USP25: variants seen among roughly 807,000 people sequenced by gnomAD.
USP25 encodes the protein ubiquitin carboxyl-terminal hydrolase 25.
USP25 carries 85 observed loss-of-function variants against 158.5 expected under a neutral mutation model. The ratio of observed to expected loss-of-function variants is 0.54; its 90% CI spans 0.45 to 0.64. The LOEUF (loss-of-function observed/expected upper bound fraction) is 0.64, where lower values mean the gene tolerates loss of function less well. Ranked by LOEUF, USP25 falls within the 30% of genes least tolerant of loss-of-function variation. USP25 has a pLI of 0.00. For missense variants in USP25, 1,242 were observed against 1,327.3 expected, an observed-to-expected ratio of 0.94 and a Z score of 1.00; for synonymous variants, 464 against 460.4, an observed-to-expected ratio of 1.01 and a Z score of -0.10.
intron 8 of USP25, among the ~76,000 whole-genome samples, chr21:15,809,670 A>G (rs1250332687): frequency 2.0e-5 from 3 of 152,202 alleles, no homozygotes; most frequent in Non-Finnish European, 2.9e-5. Flanking sequence ...AAAGAATTGA[A>G]AGCAGGGTTT....
intron 4 of USP25, among the ~76,000 whole-genome samples, chr21:15,791,233 T>G (rs531686262): frequency 1.3e-5 from 2 of 151,982 alleles, no homozygotes; most frequent in African/African-American, 2.4e-5. Flanking sequence ...AATATCTAAT[T>G]TGTTGAAATG....
intron 1 of USP25, among the ~76,000 whole-genome samples, chr21:15,738,418 T>C (rs977593237): frequency 1.3e-5 from 2 of 152,246 alleles, no homozygotes; most frequent in African/African-American, 4.8e-5. Context: ...GAGCAGGATA[T>C]ACTATTTTTA....
intron 8 of USP25, among the ~76,000 whole-genome samples, chr21:15,809,671 A>G (rs1447048161): frequency 6.6e-6 from 1 of 152,252 alleles, no homozygotes; most frequent in African/African-American, 2.4e-5. Context: ...AAGAATTGAA[A>G]GCAGGGTTTC....
rs1568884805 is a variant in USP25 at position 15,847,676 on chromosome 21, C to T, written c.2351C>T (p.Thr784Ile). ...TTCCTTCTGCAGAAACCTGAAAATA[C>T]TACAAGCCAACCACTTTCTAATCAG... ...ETVLQSKPEN[T>I]TSQPLSNQRV... Residue 784 changes from threonine (T) to isoleucine (I), a missense_variant, in exon 19 of 26, where the codon ACT becomes ATT. Transcript: ENST00000400183. 1.9e-6 allele frequency: 3 copies of T among 1,549,656 alleles called. No homozygotes were observed. Among genetic ancestry groups the T allele is most frequent in the Non-Finnish European group, 2.6e-6 (3 of 1,146,322 alleles).
rs1173174116 is a variant in USP25 at position 15,830,532 on chromosome 21, T to C, written c.1695T>C (p.Asp565=). 1 of 1,604,622 alleles carries C rather than the reference T, an allele frequency of 6.2e-7. No homozygotes were observed. Among genetic ancestry groups the C allele is most frequent in the Non-Finnish European group, 8.5e-7 (1 of 1,175,782 alleles). The change falls in exon 15 of 26, where the codon GAT becomes GAC. Residue 565 remains aspartate (D), a splice_region_variant and synonymous_variant. Coordinates refer to ENST00000400183, the MANE Select transcript of USP25 (RefSeq NM_001283041.3). ...TTAAATGACACCTTATATCCTTAGA[T>C]TTGCAGGAAAGCATATCCAGAATCC... ...WRTEIENDTR[D]LQESISRIHR... is the part of the protein sequence containing the mutation.
At position 15,766,850 on chromosome 21, in the gene USP25, A is replaced by G. The variant is rs953663580; in HGVS notation, c.268+709A>G. On this transcript the variant is annotated intron_variant, in intron 3 of 25. Coordinates refer to ENST00000400183, the MANE Select transcript of USP25 (RefSeq NM_001283041.3). The surrounding 1 kb of genome is among the most constrained non-coding windows in gnomAD (Gnocchi z 4.0). Reference sequence around the variant, plus strand: ...ATGCCTTATGGATTTGCAAAGTTTGATTATTAACATATATTTGGAGAGAAT... The same window carrying G: ...ATGCCTTATGGATTTGCAAAGTTTGGTTATTAACATATATTTGGAGAGAAT... 6.6e-6 allele frequency among the ~76,000 whole-genome samples: 1 copy of G among 152,096 alleles called. No homozygotes were observed. Among genetic ancestry groups the G allele is most frequent in the South Asian group, 2.1e-4 (1 of 4,836 alleles).
Position 15,847,740 on chromosome 21 carries a change from T to A in USP25, c.2415T>A (p.Phe805Leu), listed in dbSNP as rs1221181677. Residue 805 changes from phenylalanine to leucine, a missense_variant, in exon 19 of 26, where the codon TTT (phenylalanine) becomes TTA (leucine). This residue lies in a region of USP25 where 608 missense variants were observed against 605.2 expected (regional missense o/e 1.00). Transcript: ENST00000400183. The stretch of plus-strand genomic sequence containing the variant: ...TGGCGATCCCTCATGTAGGGAAATT[T>A]ATGATTGAATCAAAGGAGGGGGGGT... Reference protein sequence around the residue: ...VEVAIPHVGKFMIESKEGGYD... With the variant: ...VEVAIPHVGKLMIESKEGGYD... 1 of 1,550,048 alleles carries A rather than the reference T, an allele frequency of 6.5e-7. No homozygotes were observed. The highest frequency in any genetic ancestry group is 8.7e-7 in the Non-Finnish European group (1 of 1,146,594).
intron 4 of USP25, among the ~76,000 whole-genome samples, chr21:15,779,923 A>G (rs534010411): frequency 1.2e-3 from 187 of 152,232 alleles, no homozygotes; most frequent in African/African-American, 4.4e-3. Flanking sequence ...AATGCAAAAT[A>G]TGCATTTAAT....
At chr21:15,817,956 T>C (rs776513768) in intron 9 of USP25, among the ~76,000 whole-genome samples, 3 of 152,202 alleles carry the variant, frequency 2.0e-5, no homozygotes, top group Non-Finnish European at 4.4e-5. Flanking sequence ...CAAGACCTTG[T>C]AGATTTTAAC....
chr21:15,831,707 T>G, intron 16 of USP25, 78 bp downstream of exon 16: 1 of 1,166,684 alleles, frequency 8.6e-7, no homozygotes, highest in South Asian at 1.3e-5. Flanking sequence ...TAGTTAAGTG[T>G]AATTCACTCA....
Position 15,826,419 on chromosome 21 carries a change from G to A in USP25, c.1466+54G>A. ...GTTGTTACCTTTATTACACAATAAT[G>A]TAACTGCTGCCTTTAAAGACAGTTT... is the stretch of plus-strand genomic sequence containing the variant. On this transcript the variant is annotated intron_variant, in intron 13 of 25. Transcript: ENST00000400183. The surrounding 1 kb of genome is among the most constrained non-coding windows in gnomAD (Gnocchi z 4.8). 6.3e-7 allele frequency: 1 copy of A among 1,583,340 alleles called. No homozygotes were observed. Among genetic ancestry groups the A allele is most frequent in the Non-Finnish European group, 8.6e-7 (1 of 1,157,704 alleles).
At chr21:15,767,033 A>G (rs1319271068) in intron 3 of USP25, among the ~76,000 whole-genome samples, 2 of 152,158 alleles carry the variant, frequency 1.3e-5, no homozygotes, top group Non-Finnish European at 2.9e-5. Context: ...TGTGTCAGAG[A>G]AAACTAGAAT....
chr21:15,781,413 G>A (rs1474734219), intron 4 of USP25, among the ~76,000 whole-genome samples: 1 of 152,134 alleles, frequency 6.6e-6, no homozygotes, highest in Non-Finnish European at 1.5e-5. Flanking sequence ...TCTCATTGAA[G>A]AACACATTAG....
intron 1 of USP25, among the ~76,000 whole-genome samples, chr21:15,737,821 T>C (rs186022472): frequency 7.5e-4 from 114 of 152,206 alleles, no homozygotes; most frequent in African/African-American, 2.6e-3. Flanking sequence ...AGAAGTGTTT[T>C]GGATTTTGGA....
intron 1 of USP25, among the ~76,000 whole-genome samples, chr21:15,734,598 A>G (rs943466714): frequency 1.3e-4 from 20 of 152,280 alleles, no homozygotes; most frequent in African/African-American, 4.6e-4. Flanking sequence ...CTTCAATATT[A>G]TATGTATACA....
At chr21:15,781,044 G>T (rs2034932991) in intron 4 of USP25, among the ~76,000 whole-genome samples, 1 of 152,194 alleles carries the variant, frequency 6.6e-6, no homozygotes, top group Non-Finnish European at 1.5e-5. Context: ...GGGCTACAAG[G>T]TTGTGGCTGC....
intron 17 of USP25, among the ~76,000 whole-genome samples, chr21:15,837,880 G>A (rs527733904): frequency 1.3e-5 from 2 of 151,816 alleles, no homozygotes; most frequent in East Asian, 3.9e-4. Context: ...GTAAGACCTG[G>A]TAGAATAAAC....
intron 14 of USP25, among the ~76,000 whole-genome samples, chr21:15,829,934 T>G (rs998108634): frequency 2.0e-5 from 3 of 152,182 alleles, no homozygotes; most frequent in Admixed American, 2.0e-4. Flanking sequence ...GTTCAGCAGC[T>G]TCACAATATG....
chr21:15,842,821 A>G (rs1362849005), intron 18 of USP25, among the ~76,000 whole-genome samples: 10 of 152,190 alleles, frequency 6.6e-5, no homozygotes, highest in Admixed American at 6.5e-4. Context: ...TGGAACTTAA[A>G]AAGAGAAGTG....
Sources: gnomAD v4.1 joint callset for allele counts (sites outside exome capture counted in the v4.1 genomes callset) on GRCh38, gnomAD v4.1.1 for gene constraint, gnomAD v4.1.1 regional missense constraint, Gnocchi (gnomAD v3.1) non-coding constraint, MANE v1.5 for transcripts, NCBI Gene and HGNC (gene_info 2026-07-23, HGNC 2026-07-21) for gene names.